Variants in BRWD1 observed in about 807,000 individuals in gnomAD.
BRWD1 encodes the protein bromodomain and WD repeat domain containing 1.
BRWD1 carries 82 observed loss-of-function variants against 251.2 expected under a neutral mutation model. The ratio of observed to expected loss-of-function variants is 0.33; its 90% CI spans 0.27 to 0.39. The LOEUF is 0.39. BRWD1 is among the 10% of genes least tolerant of loss of function. The pLI, the probability that BRWD1 is intolerant of heterozygous loss-of-function variation, is 1.00. For synonymous variants in BRWD1, 918 were observed against 902.8 expected, an observed-to-expected ratio of 1.02 and a Z score of -0.30; for missense variants, 2,233 against 2,711.6, an observed-to-expected ratio of 0.82 and a Z score of 3.92.
intron 8 of BRWD1, among the ~76,000 whole-genome samples, chr21:39,282,881 C>T (rs1375187486): frequency 1.3e-5 from 2 of 151,514 alleles, no homozygotes; most frequent in African/African-American, 4.9e-5. Flanking sequence ...ATCGCTTGAA[C>T]CTGGAAGGCA....
chr21:39,238,688 C>T, intron 21 of BRWD1, 115 bp from the exon 22 acceptor site: 1 of 661,590 alleles, frequency 1.5e-6, no homozygotes, highest in South Asian at 1.9e-5. Context: ...GAAAAATGAA[C>T]AGTAATCAGT....
At chr21:39,278,493 T>A in intron 10 of BRWD1, 3 of 435,546 alleles carry the variant, frequency 6.9e-6, no homozygotes, top group Non-Finnish European at 1.2e-5. Context: ...GAATCACTTG[T>A]GTGGACACCT....
At chr21:39,313,936 G>C (rs940723694), upstream of BRWD1, 2 of 335,452 alleles carry the variant, frequency 6.0e-6, no homozygotes, top group Admixed American at 4.3e-5. Context: ...GCCCAGCAGC[G>C]GGCGGGTGCC....
rs138916812 is a variant in BRWD1, at chr21:39,274,284, C to G, written c.1244+90G>C. On this transcript the variant is annotated intron_variant, in intron 13 of 40. Coordinates refer to ENST00000342449, the MANE Select transcript of BRWD1 (RefSeq NM_033656.4). ...AGCTATAATCCCCTCAACAAAATAACCACTGAGAGACACAGAGAGCGAGAG... is the reference window on the plus strand; with the variant it reads ...AGCTATAATCCCCTCAACAAAATAAGCACTGAGAGACACAGAGAGCGAGAG... 10,749 of 1,037,188 alleles carry G rather than the reference C, an allele frequency of 0.01. 823 individuals are homozygous for G. In the Admixed American group the frequency reaches 0.16, roughly 16 times the overall value. The allele number at this position is 1,037,188 out of a possible 1,614,324, so 64.2% of individuals were successfully genotyped here.
At chr21:39,304,930 G>A (rs2036237800) in intron 4 of BRWD1, among the ~76,000 whole-genome samples, 1 of 146,232 alleles carries the variant, frequency 6.8e-6, no homozygotes, top group Admixed American at 6.8e-5. Flanking sequence ...GACAAAAAGA[G>A]CAACAAATCC....
At chr21:39,234,928 G>GTT (rs2033756894) in intron 23 of BRWD1, among the ~76,000 whole-genome samples, 1 of 152,130 alleles carries the variant, frequency 6.6e-6, no homozygotes, top group African/African-American at 2.4e-5. Flanking sequence ...AACATTAATG[G>GTT]AATTTCAGAG....
At chr21:39,276,342 C>T in intron 11 of BRWD1, 129 bp from the exon 12 acceptor site, 1 of 545,334 alleles carries the variant, frequency 1.8e-6, no homozygotes, top group Non-Finnish European at 3.1e-6. Context: ...TTGCTTAGCC[C>T]TGTCATTCAA....
Position 39,312,946 on chromosome 21 carries a change from G to GGGGGGC in BRWD1, c.139-47_139-46insGCCCCC, listed in dbSNP as rs1568986018. 3.1e-5 allele frequency: 23 copies of GGGGGGC among 736,688 alleles called. 1 individual carries two copies. The highest frequency in any genetic ancestry group is 2.7e-4 in the East Asian group (4 of 14,560). The allele number at this position is 736,688 out of a possible 1,614,324, so 45.6% of individuals were successfully genotyped here. A position where few individuals can be genotyped will look rare whatever the true frequency, so the allele number is the denominator to read the frequency against. ...CACGAGTGACCACCCCTCCGGCGCG[G>GGGGGGC]GGGGGGCGGGGGGCGGGGGGCCGGG... is the stretch of plus-strand genomic sequence containing the variant. On this transcript the variant is annotated intron_variant, in intron 3 of 40. Transcript: ENST00000342449.
intron 13 of BRWD1, among the ~76,000 whole-genome samples, chr21:39,273,664 G>C (rs897182225): frequency 2.0e-5 from 3 of 150,048 alleles, no homozygotes; most frequent in Non-Finnish European, 1.5e-5. Context: ...GAGATGGGGG[G>C]ACTGCCTGAG....
At chr21:39,245,661 G>A (rs1434383598) in intron 21 of BRWD1, among the ~76,000 whole-genome samples, 10 of 149,524 alleles carry the variant, frequency 6.7e-5, no homozygotes, top group African/African-American at 2.2e-4. Context: ...GTGCCGTGGC[G>A]CAGTCTCGGC....
At chr21:39,220,126 G>A (rs753256760) in intron 29 of BRWD1, among the ~76,000 whole-genome samples, 44 of 151,972 alleles carry the variant, frequency 2.9e-4, no homozygotes, top group Non-Finnish European at 5.6e-4. Flanking sequence ...GTGGGTGGGT[G>A]GGTGTGTGGG....
chr21:39,223,023 G>T (rs1052425480), intron 29 of BRWD1, among the ~76,000 whole-genome samples: 1 of 152,050 alleles, frequency 6.6e-6, no homozygotes, highest in African/African-American at 2.4e-5. Context: ...TAACTGCCCA[G>T]TAATCTTCAA....
In BRWD1 at chr21:39,200,227, C is replaced by G. The variant is rs756012635; in HGVS notation, c.4745G>C (p.Arg1582Thr). The G allele has an allele frequency of 1.9e-6, 3 of 1,600,894 alleles. No homozygotes were observed. Among genetic ancestry groups the G allele is most frequent in the East Asian group, 4.5e-5 (2 of 44,766 alleles). Residue 1582 changes from arginine (R) to threonine (T), a missense_variant, in exon 39 of 41, where the codon AGA becomes ACA. Physicochemically the swap from Arg to Thr is moderately conservative, Grantham distance 71. Transcript: ENST00000342449. ...ACTACTGAGTCTCTTACCAGTTTTTCTTTGAGCAGCTCTAGTTCTGGTTAC... is the reference window on the plus strand; with the variant it reads ...ACTACTGAGTCTCTTACCAGTTTTTGTTTGAGCAGCTCTAGTTCTGGTTAC... ...LRVTRTRAAQRKTGPVSLANG... is the reference protein window; with the variant it reads ...LRVTRTRAAQTKTGPVSLANG...
chr21:39,207,451 A>AACACAC (rs58765400), intron 36 of BRWD1, among the ~76,000 whole-genome samples: 5,539 of 131,280 alleles, frequency 0.042, 163 homozygotes, highest in Non-Finnish European at 0.051. Flanking sequence ...AAAAAAAGAA[A>AACACAC]ACACACACAC....
chr21:39,187,393 G>A lies in BRWD1; in HGVS notation c.*8866C>T. 1 of 1,579,046 alleles carries A rather than the reference G, an allele frequency of 6.3e-7. No individual in the cohort carries two copies. The highest frequency in any genetic ancestry group is 1.9e-5 in the Admixed American group (1 of 52,568). The stretch of plus-strand genomic sequence containing the variant: ...CATACATGTTCTCACTTTTGTATTG[G>A]GTTCTCTGTCTCTAGGAACAAATTC... On this transcript the variant is annotated 3_prime_UTR_variant, in exon 41 of 41. Transcript: ENST00000342449.
At chr21:39,276,659 A>G (rs1275933437) in intron 11 of BRWD1, among the ~76,000 whole-genome samples, 1 of 152,228 alleles carries the variant, frequency 6.6e-6, no homozygotes, top group African/African-American at 2.4e-5. Context: ...AAATAAAAGA[A>G]AAGATGGCCC....
chr21:39,187,861 AAC>A lies in BRWD1; in HGVS notation c.*8396_*8397del, dbSNP rs1274847515. ...ACCAAAAAGTGCAGAGTGCTATGAG[AAC>A]ACAGACTGGAAACCTAACCTAGCCT... On this transcript the variant is annotated 3_prime_UTR_variant, in exon 41 of 41. Coordinates refer to ENST00000342449, the MANE Select transcript of BRWD1 (RefSeq NM_033656.4). The A allele has an allele frequency of 5.1e-5, 50 of 984,156 alleles. No individual in the cohort carries two copies. Among genetic ancestry groups the A allele is most frequent in the Non-Finnish European group, 5.5e-5 (46 of 828,868 alleles). 61.0% of individuals were successfully genotyped at this position (984,156 alleles called of 1,614,324 possible).
At chr21:39,206,357 G>C (rs1196445872) in intron 36 of BRWD1, 83 bp from the exon 37 acceptor site, 1 of 1,060,734 alleles carries the variant, frequency 9.4e-7, no homozygotes, top group East Asian at 2.6e-5. Context: ...GAGATCCCTT[G>C]CAATGTATTA....
At chr21:39,289,941 C>G (rs543804245) in intron 8 of BRWD1, among the ~76,000 whole-genome samples, 1 of 150,586 alleles carries the variant, frequency 6.6e-6, no homozygotes, top group Admixed American at 6.7e-5. Flanking sequence ...AGGAGAATGG[C>G]GTGAACCCGG....
Sources: gnomAD v4.1 joint callset for allele counts (sites outside exome capture counted in the v4.1 genomes callset) on GRCh38, gnomAD v4.1.1 for gene constraint, MANE v1.5 for transcripts, NCBI Gene and HGNC (gene_info 2026-07-23, HGNC 2026-07-21) for gene names.